The following KCNAB1 variants were observed in gnomAD, a reference collection of about 807,000 sequenced individuals.
KCNAB1 encodes the protein potassium voltage-gated channel subfamily A regulatory beta subunit 1, also known as voltage-gated potassium channel subunit beta-1.
A neutral mutation model predicts 64.6 loss-of-function variants in KCNAB1; 35 were observed. The observed-to-expected ratio is 0.54, with a 90% CI of 0.41 to 0.72. The LOEUF (loss-of-function observed/expected upper bound fraction) is 0.72, where lower values mean the gene tolerates loss of function less well. Among genes scored for constraint, KCNAB1 ranks in the 30% least tolerant of loss-of-function variants. The pLI is 0.00. For missense variants in KCNAB1, 401 were observed against 512.9 expected (o/e 0.78, Z 2.11); for synonymous variants, 177 against 183.8 (o/e 0.96, Z 0.30).
chr3:156,265,390 A>T (rs1201795132), intron 1 of KCNAB1, among the ~76,000 whole-genome samples: 1 of 152,108 alleles, frequency 6.6e-6, no homozygotes, highest in Non-Finnish European at 1.5e-5. Context: ...CAAGTAGGCC[A>T]TGTGTCATTA....
rs566034786 is a variant in KCNAB1, at chr3:156,503,362, T to C, written c.659-11002T>C. ...AGGATAGAGTAGAAAGCTCTCTTAT[T>C]GCTTTGGGCAAGTCACTTCGCCATT... On this transcript the variant is annotated intron_variant, in intron 8 of 13. Transcript: ENST00000490337. Among the ~76,000 whole-genome samples the C allele has an allele frequency of 1.6e-3, 247 of 152,338 alleles. 1 individual carries two copies. Among genetic ancestry groups the C allele is most frequent in the African/African-American group, 5.5e-3 (228 of 41,578 alleles).
At chr3:156,346,103 T>G (rs902267355) in intron 1 of KCNAB1, among the ~76,000 whole-genome samples, 5 of 151,860 alleles carry the variant, frequency 3.3e-5, no homozygotes, top group Admixed American at 2.6e-4. Context: ...GTTAATTATA[T>G]TTTTTGGAAC....
intron 8 of KCNAB1, among the ~76,000 whole-genome samples, chr3:156,503,064 G>A (rs920141560): frequency 6.6e-6 from 1 of 152,198 alleles, no homozygotes; most frequent in African/African-American, 2.4e-5. Flanking sequence ...TATACTCATT[G>A]TGGATGCCAC....
intron 1 of KCNAB1, among the ~76,000 whole-genome samples, chr3:156,417,616 C>T (rs1335315531): frequency 6.6e-6 from 1 of 152,062 alleles, no homozygotes; most frequent in Non-Finnish European, 1.5e-5. Context: ...CTGCTTTTAG[C>T]CTCTTTGACT....
At chr3:156,523,497 G>T (rs1718091750) in intron 11 of KCNAB1, among the ~76,000 whole-genome samples, 1 of 151,740 alleles carries the variant, frequency 6.6e-6, no homozygotes, top group Non-Finnish European at 1.5e-5. Context: ...TTCTAAAGTT[G>T]GGCTATCCCA....
intron 8 of KCNAB1, among the ~76,000 whole-genome samples, chr3:156,501,838 A>G (rs1716431925): frequency 6.6e-6 from 1 of 152,176 alleles, no homozygotes; most frequent in South Asian, 2.1e-4. Flanking sequence ...ACAGTTCCAC[A>G]TGGCTGGGGA....
chr3:156,498,554 T>C (rs140897463), intron 8 of KCNAB1, among the ~76,000 whole-genome samples: 1 of 152,342 alleles, frequency 6.6e-6, no homozygotes, highest in East Asian at 1.9e-4. Context: ...CCCAGCCATA[T>C]GGAACTGTTA....
In KCNAB1 at chr3:156,155,246, C is replaced by T. The variant is rs183695940; in HGVS notation, c.275+34360C>T. Among the ~76,000 whole-genome samples the T allele has an allele frequency of 3.9e-3, 598 of 152,302 alleles. 2 individuals carry two copies. Among genetic ancestry groups the T allele is most frequent in the African/African-American group, 0.014 (564 of 41,558 alleles). ...CCACCCCTCACACAGATTCATCCAA[C>T]AGCTCTCCATTGAGTGCTCACCTTG... On this transcript the variant is annotated intron_variant, in intron 1 of 13. Coordinates refer to ENST00000490337, the MANE Select transcript of KCNAB1 (RefSeq NM_172160.3).
At chr3:156,479,005 C>G (rs2108327499) in intron 8 of KCNAB1, among the ~76,000 whole-genome samples, 1 of 152,288 alleles carries the variant, frequency 6.6e-6, no homozygotes, top group African/African-American at 2.4e-5. Context: ...GGAAGATGTT[C>G]CTGACAATGG....
At chr3:156,183,221 A>G (rs576029285) in intron 1 of KCNAB1, among the ~76,000 whole-genome samples, 7 of 152,222 alleles carry the variant, frequency 4.6e-5, no homozygotes, top group African/African-American at 1.7e-4. Context: ...GAGGGAGACA[A>G]GGAAACATGA....
intron 1 of KCNAB1, among the ~76,000 whole-genome samples, chr3:156,381,223 T>C (rs1326779668): frequency 1.3e-5 from 2 of 152,148 alleles, no homozygotes; most frequent in African/African-American, 4.8e-5. Flanking sequence ...TTAGGGAATT[T>C]TGCAGATAGG....
chr3:156,443,256 C>A (rs971655753), intron 2 of KCNAB1, among the ~76,000 whole-genome samples: 1 of 152,008 alleles, frequency 6.6e-6, no homozygotes, highest in African/African-American at 2.4e-5. Context: ...AATGGGAACA[C>A]GAAGCTTATC....
intron 1 of KCNAB1, among the ~76,000 whole-genome samples, chr3:156,123,674 A>G (rs775411872): frequency 3.9e-5 from 6 of 152,130 alleles, no homozygotes; most frequent in Non-Finnish European, 8.8e-5. Flanking sequence ...TTGACTGATA[A>G]CTCTGTGATA....
At chr3:156,338,303 C>CTTTTTTTTTTTTCTTTTTTTTTTTT (rs1723861785) in intron 1 of KCNAB1, among the ~76,000 whole-genome samples, 1 of 39,488 alleles carries the variant, frequency 2.5e-5, no homozygotes, top group African/African-American at 8.8e-5. Context: ...GGCATTTGCA[C>CTTTTTTTTTTTTCTTTTTTTTTTTT]TTTTTTTTTT....
intron 1 of KCNAB1, among the ~76,000 whole-genome samples, chr3:156,155,578 G>T (rs976436852): frequency 6.6e-6 from 1 of 152,072 alleles, no homozygotes; most frequent in Non-Finnish European, 1.5e-5. Flanking sequence ...AGTTTCCGGG[G>T]TAAAGAGTAT....
At chr3:156,356,638 T>C (rs1466352551) in intron 1 of KCNAB1, among the ~76,000 whole-genome samples, 1 of 152,236 alleles carries the variant, frequency 6.6e-6, no homozygotes, top group Non-Finnish European at 1.5e-5. Context: ...GGGCTTTCTG[T>C]ACAAATAATA....
intron 1 of KCNAB1, among the ~76,000 whole-genome samples, chr3:156,341,033 C>T (rs1346739616): frequency 1.3e-5 from 2 of 152,118 alleles, no homozygotes; most frequent in South Asian, 2.1e-4. Flanking sequence ...TTATGCAATA[C>T]GTTGGTCTAG....
chr3:156,280,474 C>A (rs1490060276), intron 1 of KCNAB1, among the ~76,000 whole-genome samples: 3 of 149,192 alleles, frequency 2.0e-5, no homozygotes, highest in African/African-American at 7.4e-5. Flanking sequence ...TCCATATGAA[C>A]TTTAAAGTAG....
intron 1 of KCNAB1, among the ~76,000 whole-genome samples, chr3:156,297,023 G>A (rs143533626): frequency 2.6e-5 from 4 of 152,214 alleles, no homozygotes; most frequent in African/African-American, 9.6e-5. Flanking sequence ...ATTTTTGTCT[G>A]CATGTTGTAT....
Sources: gnomAD v4.1 joint callset for allele counts (sites outside exome capture counted in the v4.1 genomes callset) on GRCh38, gnomAD v4.1.1 for gene constraint, MANE v1.5 for transcripts, NCBI Gene and HGNC (gene_info 2026-07-23, HGNC 2026-07-21) for gene names.